Variants in RNF40 observed in about 807,000 individuals in gnomAD.
The protein encoded by RNF40 is E3 ubiquitin-protein ligase BRE1B.
In RNF40, 39 loss-of-function variants were observed where a neutral mutation model predicts 123.3. That is an observed-to-expected ratio of 0.32 (90% CI 0.24 to 0.41). RNF40 has a LOEUF of 0.41. Ranked by LOEUF, RNF40 falls within the 10% of genes least tolerant of loss-of-function variation. The probability of loss-of-function intolerance (pLI) is 1.00; values close to 1 mark genes in which losing one functional copy is unlikely to be tolerated. For missense variants in RNF40, 1,003 were observed against 1,319.9 expected (o/e 0.76, Z 3.72); for synonymous variants, 538 against 526.0 (o/e 1.02, Z -0.31).
In RNF40 at chr16:30,764,172, C is replaced by G. The variant is rs990097192; in HGVS notation, c.443-7C>G. The G allele has an allele frequency of 4.4e-6, 7 of 1,603,754 alleles. No individual in the cohort carries two copies. Among genetic ancestry groups the G allele is most frequent in the Admixed American group, 3.4e-5 (2 of 58,740 alleles). On this transcript the variant is annotated splice_region_variant and splice_polypyrimidine_tract_variant and intron_variant, in intron 4 of 19. Transcript: ENST00000324685. ...TATCCTCATGAGGGTCTGTCCATTC[C>G]TTCCAGACCCCTTGCTGATGCAGCT... is the stretch of plus-strand genomic sequence containing the variant.
intron 5 of RNF40, 125 bp from the exon 6 acceptor site, chr16:30,764,813 C>G: frequency 2.9e-6 from 4 of 1,375,216 alleles, no homozygotes; most frequent in Non-Finnish European, 3.9e-6. Flanking sequence ...AGACTCCTGG[C>G]TTTGTCATGA....
In RNF40 at chr16:30,768,089, C is replaced by T; in HGVS notation, c.1552-14C>T. The T allele has an allele frequency of 1.2e-6, 2 of 1,612,562 alleles. No individual in the cohort carries two copies. Among genetic ancestry groups the T allele is most frequent in the Non-Finnish European group, 1.7e-6 (2 of 1,178,840 alleles). Reference sequence around the variant, plus strand: ...ACCATCTGACTTCATCCCTCTTCCTCTCTGCCTTTGCAGCTCCGGGCCCAG... The same window carrying T: ...ACCATCTGACTTCATCCCTCTTCCTTTCTGCCTTTGCAGCTCCGGGCCCAG... On this transcript the variant is annotated splice_polypyrimidine_tract_variant and intron_variant, in intron 12 of 19. Coordinates refer to ENST00000324685, the MANE Select transcript of RNF40 (RefSeq NM_014771.4). The surrounding 1 kb of genome is among the most constrained non-coding windows in gnomAD (Gnocchi z 4.1).
chr16:30,768,910 G>A lies in RNF40; in HGVS notation c.2170G>A (p.Glu724Lys), dbSNP rs2054094565. 1 of 1,614,112 alleles carries A rather than the reference G, an allele frequency of 6.2e-7. No homozygotes were observed. Among genetic ancestry groups the A allele is most frequent in the Non-Finnish European group, 8.5e-7 (1 of 1,180,052 alleles). Residue 724 changes from glutamate (E) to lysine (K), a missense_variant, in exon 15 of 20, where the codon GAG becomes AAG. Glu to Lys is a moderately conservative substitution (Grantham distance 56). Coordinates refer to ENST00000324685, the MANE Select transcript of RNF40 (RefSeq NM_014771.4). The surrounding 1 kb of genome is among the most constrained non-coding windows in gnomAD (Gnocchi z 4.1). The part of the protein sequence containing the change: ...DRRESKKIAD[E>K]DALRRIRQAE... ...AAGGGAGAGCAAGAAGATCGCGGAT[G>A]AGGATGCCCTGCGGCGCATTCGGCA...
At chr16:30,771,715 A>AGCAGC in intron 17 of RNF40, 118 bp from the exon 18 acceptor site, 1 of 1,150,800 alleles carries the variant, frequency 8.7e-7, no homozygotes, top group African/African-American at 1.5e-5. Flanking sequence ...AGGAGGCAGG[A>AGCAGC]GCAGCTCCAG....
chr16:30,761,737 G>A (rs1164361857), upstream of RNF40: 16 of 1,524,436 alleles, frequency 1.0e-5, no homozygotes, highest in African/African-American at 2.1e-4. Context: ...GGCTGGTCTT[G>A]CGGTTGAGCA....
intron 11 of RNF40, among the ~76,000 whole-genome samples, chr16:30,767,170 A>G (rs1291823921): frequency 6.6e-6 from 1 of 152,200 alleles, no homozygotes; most frequent in Non-Finnish European, 1.5e-5. Context: ...GATTTATCAA[A>G]TGCCACCTCT....
Position 30,765,467 on chromosome 16 carries a change from CA to C in RNF40, c.962del (p.Gln321ArgfsTer15). ...TGTATCTGGGAGCTCCTCAGGCTTC[CA>C]GGGGGGCCAGATCACACTCAGCATG... The part of the protein sequence containing the change: ...YYVSGSSSGF[Q>X]GGQITLSMQK... On this transcript the variant is annotated frameshift_variant, in exon 8 of 20. Coordinates refer to ENST00000324685, the MANE Select transcript of RNF40 (RefSeq NM_014771.4). LOFTEE classifies it high-confidence loss of function. 1 of 1,614,114 alleles carries C rather than the reference CA, an allele frequency of 6.2e-7. No individual in the cohort carries two copies. The highest frequency in any genetic ancestry group is 8.5e-7 in the Non-Finnish European group (1 of 1,180,028).
At chr16:30,764,838 AGCTG>A in intron 5 of RNF40, 96 bp from the exon 6 acceptor site, 2 of 1,483,234 alleles carry the variant, frequency 1.3e-6, no homozygotes, top group Admixed American at 4.4e-5. Context: ...TGGGCAAGAC[AGCTG>A]GTGGATCACA....
rs2054000679 is a variant in RNF40 at position 30,764,968 on chromosome 16, A to G, written c.680A>G (p.Gln227Arg). ...AGTGAGCCCCTCAGTGAGGCGGCTCAGGCACACACCCGAGAGCTGGGCCGT... is the reference window on the plus strand; with the variant it reads ...AGTGAGCCCCTCAGTGAGGCGGCTCGGGCACACACCCGAGAGCTGGGCCGT... Reference protein sequence around the residue: ...GDSEPLSEAAQAHTRELGREN... With the variant: ...GDSEPLSEAARAHTRELGREN... The change falls in exon 6 of 20, where the codon CAG (glutamine) becomes CGG (arginine). Residue 227 changes from glutamine (Q) to arginine (R), a missense_variant. This residue lies in a region of RNF40 where 274 missense variants were observed against 356.9 expected (regional missense o/e 0.77). Coordinates refer to ENST00000324685, the MANE Select transcript of RNF40 (RefSeq NM_014771.4). 6.2e-7 allele frequency: 1 copy of G among 1,612,832 alleles called. No individual in the cohort carries two copies. Among genetic ancestry groups the G allele is most frequent in the Non-Finnish European group, 8.5e-7 (1 of 1,179,986 alleles).
At position 30,769,496 on chromosome 16, in the gene RNF40, G is replaced by T; in HGVS notation, c.2482G>T (p.Val828Leu). ...KSQVDAQLLTVQKLEEKERAL... is the reference protein window; with the variant it reads ...KSQVDAQLLTLQKLEEKERAL... ...TTAGGTGGATGCCCAGCTGCTGACT[G>T]TGCAGAAGCTAGAGGAGAAGGAGCG... The change falls in exon 17 of 20, where the codon GTG (valine) becomes TTG (leucine). Residue 828 changes from valine to leucine, a missense_variant. Coordinates refer to ENST00000324685, the MANE Select transcript of RNF40 (RefSeq NM_014771.4). 6.2e-7 allele frequency: 1 copy of T among 1,613,934 alleles called. No individual in the cohort carries two copies. Among genetic ancestry groups the T allele is most frequent in the South Asian group, 1.1e-5 (1 of 91,068 alleles).
At chr16:30,771,021 C>T (rs1330921962) in intron 17 of RNF40, among the ~76,000 whole-genome samples, 41 of 152,102 alleles carry the variant, frequency 2.7e-4, no homozygotes. Flanking sequence ...ATTTAAGCAG[C>T]ATATTTTACA....
At position 30,764,159 on chromosome 16, in the gene RNF40, G is replaced by A. The variant is rs2053979969; in HGVS notation, c.443-20G>A. On this transcript the variant is annotated intron_variant, in intron 4 of 19. Coordinates refer to ENST00000324685, the MANE Select transcript of RNF40 (RefSeq NM_014771.4). Reference sequence around the variant, plus strand: ...TAACTGCTGCTCTTATCCTCATGAGGGTCTGTCCATTCCTTCCAGACCCCT... The same window carrying A: ...TAACTGCTGCTCTTATCCTCATGAGAGTCTGTCCATTCCTTCCAGACCCCT... 1 of 1,591,702 alleles carries A rather than the reference G, an allele frequency of 6.3e-7. No individual in the cohort carries two copies. The highest frequency in any genetic ancestry group is 2.3e-5 in the East Asian group (1 of 43,914).
chr16:30,768,216 C>T lies in RNF40; in HGVS notation c.1665C>T (p.Val555=). 1 of 1,613,744 alleles carries T rather than the reference C, an allele frequency of 6.2e-7. No homozygotes were observed. Among genetic ancestry groups the T allele is most frequent in the East Asian group, 2.2e-5 (1 of 44,872 alleles). Residue 555 remains valine, a synonymous_variant, in exon 13 of 20, where the codon GTC becomes GTT. Coordinates refer to ENST00000324685, the MANE Select transcript of RNF40 (RefSeq NM_014771.4). The surrounding 1 kb of genome is among the most constrained non-coding windows in gnomAD (Gnocchi z 4.1). Reference sequence around the variant, plus strand: ...AAGAGGAGGGTGGGCCAGGCCCTGTCAGTACCCCCGACAACAGAAAGGAGA... The same window carrying T: ...AAGAGGAGGGTGGGCCAGGCCCTGTTAGTACCCCCGACAACAGAAAGGAGA... The part of the protein sequence containing the change: ...PGKEEGGPGP[V]STPDNRKEMA...
In RNF40 at chr16:30,774,389, G is replaced by A; in HGVS notation, c.*275G>A. ...GAGGCCTGAGGAGCCCAGAGCACTT[G>A]ACTGAGCTTCCCGGAAACTGGCCCT... is the stretch of plus-strand genomic sequence containing the variant. On this transcript the variant is annotated 3_prime_UTR_variant, in exon 20 of 20. Coordinates refer to ENST00000324685, the MANE Select transcript of RNF40 (RefSeq NM_014771.4). 2.5e-6 allele frequency: 1 copy of A among 403,030 alleles called. No homozygotes were observed. Among genetic ancestry groups the A allele is most frequent in the African/African-American group, 2.0e-5 (1 of 49,998 alleles). The allele number at this position is 403,030 out of a possible 1,614,324, so 25.0% of individuals were successfully genotyped here. A position where few individuals can be genotyped will look rare whatever the true frequency, so the allele number is the denominator to read the frequency against.
rs141581063 is a variant in RNF40, at chr16:30,766,436, C to T, written c.1171C>T (p.Leu391=). 18 of 1,613,898 alleles carry T rather than the reference C, an allele frequency of 1.1e-5. No individual in the cohort carries two copies. In the African/African-American group the frequency reaches 2.1e-4, roughly 19 times the overall value. ...VVRETGEYRM[L]QAQFSLLYNE... ...GCGGGAGACGGGGGAGTACCGCATG[C>T]TGCAGGCCCAATTCTCACTGCTCTA... is the stretch of plus-strand genomic sequence containing the variant. Residue 391 remains leucine (L), a synonymous_variant, in exon 10 of 20, where the codon CTG becomes TTG. Transcript: ENST00000324685. This position sits in a 1 kb window ranked among gnomAD's most constrained non-coding sequence, Gnocchi z 5.4.
chr16:30,768,573 C>T lies in RNF40; in HGVS notation c.1979+43C>T, dbSNP rs1424900021. ...TCTCCTTCCTGACCCTGCCAGGTGG[C>T]CTCCAGTCCCACTCACTAAGACTTC... On this transcript the variant is annotated intron_variant, in intron 13 of 19. Coordinates refer to ENST00000324685, the MANE Select transcript of RNF40 (RefSeq NM_014771.4). The surrounding 1 kb of genome is among the most constrained non-coding windows in gnomAD (Gnocchi z 4.1). 9.9e-6 allele frequency: 16 copies of T among 1,613,758 alleles called. No homozygotes were observed. Among genetic ancestry groups the T allele is most frequent in the Non-Finnish European group, 1.3e-5 (15 of 1,179,686 alleles).
chr16:30,768,758 G>A lies in RNF40; in HGVS notation c.2097+22G>A, dbSNP rs2054088813. 2 of 1,613,702 alleles carry A rather than the reference G, an allele frequency of 1.2e-6. No individual in the cohort carries two copies. Among genetic ancestry groups the A allele is most frequent in the South Asian group, 1.1e-5 (1 of 91,088 alleles). On this transcript the variant is annotated intron_variant, in intron 14 of 19. Transcript: ENST00000324685. This position sits in a 1 kb window ranked among gnomAD's most constrained non-coding sequence, Gnocchi z 4.1. The stretch of plus-strand genomic sequence containing the variant: ...CGAGGTGAGGGCAGCTGGGGCTTGT[G>A]GGGCATTCAGAAAGGCAGAGCAGAG...
At position 30,763,449 on chromosome 16, in the gene RNF40, G is replaced by A. The variant is rs2053938020; in HGVS notation, c.332G>A (p.Cys111Tyr). ...GAAACTGTGGAAGCCCTTCTCCGATGCCATGAGAGCCAGGGGGAGCTGTCT... is the reference window on the plus strand; with the variant it reads ...GAAACTGTGGAAGCCCTTCTCCGATACCATGAGAGCCAGGGGGAGCTGTCT... ...LDETVEALLR[C>Y]HESQGELSSA... Residue 111 changes from cysteine to tyrosine, a missense_variant, in exon 4 of 20, where the codon TGC (cysteine) becomes TAC (tyrosine). Coordinates refer to ENST00000324685, the MANE Select transcript of RNF40 (RefSeq NM_014771.4). 6.2e-7 allele frequency: 1 copy of A among 1,609,364 alleles called. No individual in the cohort carries two copies. Among genetic ancestry groups the A allele is most frequent in the Non-Finnish European group, 8.5e-7 (1 of 1,178,140 alleles).
upstream of RNF40, chr16:30,762,308 C>T: frequency 2.0e-6 from 1 of 502,160 alleles, no homozygotes; most frequent in Non-Finnish European, 3.5e-6. Flanking sequence ...CAGTGACGCC[C>T]AGTGACGTCC....
Sources: allele counts gnomAD v4.1 joint callset (sites outside exome capture counted in the v4.1 genomes callset), GRCh38; gene constraint gnomAD v4.1.1; regional missense constraint gnomAD v4.1.1; non-coding constraint Gnocchi (gnomAD v3.1); transcripts MANE v1.5; gene names NCBI Gene and HGNC (gene_info 2026-07-23, HGNC 2026-07-21).